The following MAPK10 variants were observed in gnomAD, a reference collection of about 807,000 sequenced individuals.
MAPK10 encodes the protein JNK3 alpha protein kinase.
A neutral mutation model predicts 59.3 loss-of-function variants in MAPK10; 25 were observed. The ratio of observed to expected loss-of-function variants is 0.42; its 90% confidence interval spans 0.31 to 0.59. The LOEUF is 0.59. Ranked by LOEUF, MAPK10 falls within the 20% of genes least tolerant of loss-of-function variation. MAPK10 has a pLI of 0.15. For synonymous variants in MAPK10, 190 were observed against 200.5 expected, an observed-to-expected ratio of 0.95 and a Z score of 0.44; for missense variants, 351 against 568.9, an observed-to-expected ratio of 0.62 and a Z score of 3.90.
At chr4:86,207,264 T>C (rs1486066333) in intron 2 of MAPK10, among the ~76,000 whole-genome samples, 4 of 151,804 alleles carry the variant, frequency 2.6e-5, no homozygotes, top group African/African-American at 7.3e-5. Context: ...TTTCTACATA[T>C]GGCTAGCCAG....
rs1291864344 is a variant in MAPK10, at chr4:86,159,385, C to T, written c.149G>A (p.Ser50Asn). Residue 50 changes from serine (S) to asparagine (N), a missense_variant, in exon 4 of 14, where the codon AGT becomes AAT. By Grantham distance (46) the Ser-to-Asn change is conservative. This residue lies in a region of MAPK10 where 61 missense variants were observed against 58.4 expected (regional missense o/e 1.05). Transcript: ENST00000641462. ...SKSKVDNQFY[S>N]VEVGDSTFTV... ...GAAGGTTGAGTCTCCCACTTCCACA[C>T]TGTAGAACTGGTTGTCAACTTTGCT... is the stretch of plus-strand genomic sequence containing the variant. 13 of 1,612,818 alleles carry T rather than the reference C, an allele frequency of 8.1e-6. No individual in the cohort carries two copies. The highest frequency in any genetic ancestry group is 1.7e-5 in the Admixed American group (1 of 59,908).
chr4:86,089,871 T>C (rs1198867872), intron 9 of MAPK10, among the ~76,000 whole-genome samples: 1 of 152,174 alleles, frequency 6.6e-6, no homozygotes, highest in African/African-American at 2.4e-5. Context: ...GCAGGAAGCC[T>C]TGTCTTATTC....
chr4:86,380,419 C>G (rs1020754637), intron 1 of MAPK10, among the ~76,000 whole-genome samples: 6 of 152,062 alleles, frequency 3.9e-5, no homozygotes, highest in Non-Finnish European at 7.3e-5. Flanking sequence ...AGTAATTAAG[C>G]CCTAAATTCT....
At chr4:86,226,650 T>C (rs1276128693) in intron 2 of MAPK10, among the ~76,000 whole-genome samples, 1 of 152,198 alleles carries the variant, frequency 6.6e-6, no homozygotes, top group East Asian at 1.9e-4. Context: ...CAATGCAAAA[T>C]TCCAAGAGGA....
chr4:86,458,159 G>T (rs1464335383), upstream of MAPK10, among the ~76,000 whole-genome samples: 1 of 152,122 alleles, frequency 6.6e-6, no homozygotes, highest in African/African-American at 2.4e-5. Flanking sequence ...AATTAGCCAG[G>T]CATGGTGGCA....
At chr4:86,320,065 A>G (rs1281174912) in intron 2 of MAPK10, among the ~76,000 whole-genome samples, 1 of 152,242 alleles carries the variant, frequency 6.6e-6, no homozygotes, top group African/African-American at 2.4e-5. Context: ...AAACTTCAAG[A>G]GCAACGGTGG....
At chr4:86,549,908 A>T (rs1759622065) in intron 1 of MAPK10, among the ~76,000 whole-genome samples, 1 of 152,186 alleles carries the variant, frequency 6.6e-6, no homozygotes, top group South Asian at 2.1e-4. Context: ...GAGAAAGACA[A>T]CATAAGTCAC....
chr4:86,393,167 G>A (rs1220633257), intron 1 of MAPK10, among the ~76,000 whole-genome samples: 1 of 152,034 alleles, frequency 6.6e-6, no homozygotes, highest in African/African-American at 2.4e-5. Context: ...GTCCTCAAGA[G>A]AAAAAATAAA....
intron 5 of MAPK10, 139 bp from the exon 6 acceptor site, chr4:86,103,383 C>T: frequency 1.7e-6 from 1 of 590,734 alleles, no homozygotes; most frequent in Non-Finnish European, 3.1e-6. Context: ...ATGTCTTGAG[C>T]TGTCTCAGAG....
At chr4:86,315,349 G>A (rs2095760508) in intron 2 of MAPK10, among the ~76,000 whole-genome samples, 1 of 152,010 alleles carries the variant, frequency 6.6e-6, no homozygotes, top group South Asian at 2.1e-4. Flanking sequence ...AAGCACAGCA[G>A]GCTGACTATA....
intron 3 of MAPK10, chr4:86,193,913 G>GTATCATTAAA: frequency 5.9e-6 from 1 of 170,936 alleles, no homozygotes; most frequent in South Asian, 1.4e-4. Flanking sequence ...TGCAGGTTGC[G>GTATCATTAAA]AAGACCATCG....
At chr4:86,053,789 A>C (rs1267507034) in intron 11 of MAPK10, among the ~76,000 whole-genome samples, 1 of 152,158 alleles carries the variant, frequency 6.6e-6, no homozygotes, top group Non-Finnish European at 1.5e-5. Flanking sequence ...ACTCTCACAA[A>C]TGCCCACTAC....
At chr4:86,460,711 A>T (rs1394968650) in intron 1 of MAPK10, among the ~76,000 whole-genome samples, 1 of 152,234 alleles carries the variant, frequency 6.6e-6, no homozygotes, top group Admixed American at 6.5e-5. Context: ...GCATTCTTAA[A>T]CCACAAACAA....
intron 1 of MAPK10, among the ~76,000 whole-genome samples, chr4:86,533,952 C>G (rs995057505): frequency 1.3e-5 from 2 of 152,150 alleles, no homozygotes; most frequent in African/African-American, 4.8e-5. Flanking sequence ...CTCACAGAAG[C>G]ACCATTACTC....
At chr4:86,064,114 A>G (rs1045490045) in intron 11 of MAPK10, 152 bp downstream of exon 11, 6 of 893,194 alleles carry the variant, frequency 6.7e-6, no homozygotes, top group African/African-American at 1.7e-5. Context: ...TATGTTGAAG[A>G]AAATAGCTTT....
intron 1 of MAPK10, among the ~76,000 whole-genome samples, chr4:86,417,637 T>C (rs1026350066): frequency 6.6e-6 from 1 of 152,150 alleles, no homozygotes; most frequent in Non-Finnish European, 1.5e-5. Context: ...ATTTCTGAGA[T>C]TACTTAAACA....
upstream of MAPK10, among the ~76,000 whole-genome samples, chr4:86,363,791 C>CT (rs766447194): frequency 7.7e-4 from 116 of 151,136 alleles, no homozygotes; most frequent in East Asian, 1.4e-3. Flanking sequence ...AAATAAAACT[C>CT]TTTTTTTTTG....
intron 13 of MAPK10, among the ~76,000 whole-genome samples, chr4:86,019,817 T>C (rs143232480): frequency 1.3e-3 from 203 of 152,348 alleles, no homozygotes; most frequent in African/African-American, 4.8e-3. Context: ...TTTTTCTTAC[T>C]ATTTGTCTGC....
chr4:86,526,553 GATTTTAGGTTCCCA>G (rs1257188208), intron 1 of MAPK10, among the ~76,000 whole-genome samples: 2 of 152,104 alleles, frequency 1.3e-5, no homozygotes, highest in Admixed American at 1.3e-4. Flanking sequence ...ACTTTATATA[GATTTTAGGTTCCCA>G]ATTTCCTGGA....
Sources: gnomAD v4.1 joint callset for allele counts (sites outside exome capture counted in the v4.1 genomes callset) on GRCh38, gnomAD v4.1.1 for gene constraint, gnomAD v4.1.1 regional missense constraint, MANE v1.5 for transcripts, NCBI Gene and HGNC (gene_info 2026-07-23, HGNC 2026-07-21) for gene names.